The following RARB variants were observed in gnomAD, a reference collection of about 807,000 sequenced individuals.
RARB encodes retinoic acid receptor beta.
In RARB, 17 loss-of-function variants were observed where a neutral mutation model predicts 51.9. The ratio of observed to expected loss-of-function variants is 0.33; its 90% CI spans 0.22 to 0.49. The LOEUF (loss-of-function observed/expected upper bound fraction) is 0.49, where lower values mean the gene tolerates loss of function less well. RARB is among the 20% of genes least tolerant of loss of function. RARB has a pLI of 0.99. For missense variants in RARB, 369 were observed against 550.8 expected (o/e 0.67, Z 3.30); for synonymous variants, 215 against 195.4 (o/e 1.10, Z -0.84).
At chr3:25,361,042 A>C (rs952851674) in intron 5 of RARB, among the ~76,000 whole-genome samples, 2 of 152,100 alleles carry the variant, frequency 1.3e-5, no homozygotes, top group Non-Finnish European at 2.9e-5. Context: ...TGGGTTGGGG[A>C]AGTTCTCCTG....
intron 5 of RARB, among the ~76,000 whole-genome samples, chr3:25,193,895 G>T (rs987605623): frequency 1.6e-5 from 1 of 63,150 alleles, no homozygotes; most frequent in Admixed American, 2.1e-4. Context: ...ATTCAAAATT[G>T]TATATGTAAT....
intron 5 of RARB, among the ~76,000 whole-genome samples, chr3:25,190,285 A>G (rs779241034): frequency 1.3e-5 from 2 of 152,044 alleles, no homozygotes; most frequent in South Asian, 4.1e-4. Flanking sequence ...TACACCCCCA[A>G]CCAGGCCCAT....
At chr3:25,284,988 G>C (rs147581231) in intron 5 of RARB, among the ~76,000 whole-genome samples, 1 of 152,254 alleles carries the variant, frequency 6.6e-6, no homozygotes, top group East Asian at 1.9e-4. Context: ...TAGGTGCCCT[G>C]ATATTGTTTC....
chr3:25,081,629 T>A (rs1481796718), intron 3 of RARB, among the ~76,000 whole-genome samples: 174 of 47,136 alleles, frequency 3.7e-3, no homozygotes, highest in East Asian at 5.8e-3. Context: ...ATATTTTTTT[T>A]TTTTTTTTTT....
intron 2 of RARB, among the ~76,000 whole-genome samples, chr3:24,860,564 C>T (rs975230680): frequency 1.3e-5 from 2 of 152,194 alleles, no homozygotes; most frequent in Non-Finnish European, 2.9e-5. Flanking sequence ...AACCCATCCA[C>T]TGCTGCTCCC....
intron 5 of RARB, among the ~76,000 whole-genome samples, chr3:25,216,579 A>G (rs1460716371): frequency 7.0e-6 from 1 of 142,954 alleles, no homozygotes; most frequent in African/African-American, 2.5e-5. Flanking sequence ...ACCGGGGCCT[A>G]TTGGGGGGTG....
chr3:25,290,287 T>C (rs1703755287), intron 5 of RARB, among the ~76,000 whole-genome samples: 1 of 152,136 alleles, frequency 6.6e-6, no homozygotes, highest in Non-Finnish European at 1.5e-5. Context: ...AACATCCTTA[T>C]GAGAAGACAA....
intron 5 of RARB, among the ~76,000 whole-genome samples, chr3:25,292,240 A>T (rs918752525): frequency 6.6e-6 from 1 of 152,190 alleles, no homozygotes; most frequent in South Asian, 2.1e-4. Flanking sequence ...GTTTAGGGCC[A>T]TTGGATGGTG....
chr3:24,865,725 G>C (rs1236619398), intron 2 of RARB, among the ~76,000 whole-genome samples: 3 of 152,148 alleles, frequency 2.0e-5, no homozygotes, highest in African/African-American at 7.2e-5. Context: ...CACAATTTGA[G>C]TAAAATCTAA....
At chr3:25,222,586 G>A (rs1164892102) in intron 5 of RARB, among the ~76,000 whole-genome samples, 1 of 152,104 alleles carries the variant, frequency 6.6e-6, no homozygotes. Context: ...AAGGCTAATA[G>A]AGTTGGTATA....
At chr3:24,938,995 T>G (rs952042179) in intron 2 of RARB, among the ~76,000 whole-genome samples, 2 of 152,084 alleles carry the variant, frequency 1.3e-5, no homozygotes, top group African/African-American at 4.8e-5. Flanking sequence ...TTGTTGTTTT[T>G]TTTTTTAGAC....
At chr3:25,239,586 T>G (rs1458747730) in intron 5 of RARB, among the ~76,000 whole-genome samples, 6 of 152,164 alleles carry the variant, frequency 3.9e-5, no homozygotes, top group African/African-American at 1.4e-4. Flanking sequence ...GTTCTTGACC[T>G]CTTTGTCAAA....
chr3:24,983,747 C>T (rs760791594), intron 2 of RARB, among the ~76,000 whole-genome samples: 189 of 149,698 alleles, frequency 1.3e-3, no homozygotes, highest in Non-Finnish European at 2.0e-3. Context: ...TCTGCTTCTC[C>T]TCTATGACCT....
At chr3:24,909,090 A>G (rs1694935206) in intron 2 of RARB, among the ~76,000 whole-genome samples, 2 of 152,152 alleles carry the variant, frequency 1.3e-5, no homozygotes, top group South Asian at 4.1e-4. Context: ...TGACCCTAGG[A>G]GACAGGTTAT....
At chr3:25,575,531 A>T (rs1263454945) in intron 4 of RARB, among the ~76,000 whole-genome samples, 1 of 152,126 alleles carries the variant, frequency 6.6e-6, no homozygotes, top group Non-Finnish European at 1.5e-5. Context: ...TCTGGGAGAG[A>T]GCCCTTTCTT....
chr3:25,393,869 G>T (rs909616223), intron 5 of RARB, among the ~76,000 whole-genome samples: 22 of 151,832 alleles, frequency 1.4e-4, no homozygotes, highest in African/African-American at 5.3e-4. Context: ...CTAGCTTTTT[G>T]TTTTTTCTAT....
intron 3 of RARB, among the ~76,000 whole-genome samples, chr3:25,505,222 G>C (rs909609200): frequency 2.7e-4 from 41 of 152,262 alleles, no homozygotes; most frequent in Admixed American, 1.3e-3. Flanking sequence ...ATTTACTCAA[G>C]GTAACACAGT....
At chr3:25,493,434 A>G (rs894470581) in intron 2 of RARB, among the ~76,000 whole-genome samples, 1 of 152,136 alleles carries the variant, frequency 6.6e-6, no homozygotes, top group Non-Finnish European at 1.5e-5. Flanking sequence ...CTCACCTCCT[A>G]CTGGCAGCAT....
At chr3:25,456,682 T>TATATATAGAG (rs1491372969) in intron 1 of RARB, among the ~76,000 whole-genome samples, 7 of 88,396 alleles carry the variant, frequency 7.9e-5, no homozygotes, top group South Asian at 4.2e-4. Context: ...TATATATATA[T>TATATATAGAG]AGAGAGAGAG....
Sources: allele counts gnomAD v4.1 joint callset (sites outside exome capture counted in the v4.1 genomes callset), GRCh38; gene constraint gnomAD v4.1.1; transcripts MANE v1.5; gene names NCBI Gene and HGNC (gene_info 2026-07-23, HGNC 2026-07-21).